The following ENTREP1 variants were observed in gnomAD, a reference collection of about 807,000 sequenced individuals.
The protein encoded by ENTREP1 is endosomal transmembrane epsin interactor 1, also known as Friedreich ataxia region gene X123.
At chr9:69,374,945 C>T in the ENTREP1 span, among the ~76,000 whole-genome samples, 1 of 152,190 alleles carries the variant, frequency 6.6e-6, no homozygotes, top group Non-Finnish European at 1.5e-5. Flanking sequence ...ACGCACAGTG[C>T]ACAGTTGCCT....
chr9:69,337,175 T>C, the ENTREP1 span, among the ~76,000 whole-genome samples: 1 of 151,876 alleles, frequency 6.6e-6, no homozygotes, highest in Non-Finnish European at 1.5e-5. Flanking sequence ...CCAACACGCC[T>C]GGCTAATTTT....
chr9:69,356,512 C>T, the ENTREP1 span, among the ~76,000 whole-genome samples: 1 of 151,950 alleles, frequency 6.6e-6, no homozygotes, highest in Non-Finnish European at 1.5e-5. Context: ...GATTCTTTAA[C>T]CTGCTGAACC....
chr9:69,375,709 A>ATT, the ENTREP1 span: 1 of 1,511,536 alleles, frequency 6.6e-7, no homozygotes, highest in Non-Finnish European at 9.1e-7. Flanking sequence ...TAATTAAAGT[A>ATT]TTTTTTTTTA....
the ENTREP1 span, chr9:69,386,296 A>C: frequency 1.2e-5 from 2 of 165,574 alleles, no homozygotes; most frequent in Non-Finnish European, 2.6e-5. Context: ...GTCTTAAAAA[A>C]AGTCAAAAGG....
the ENTREP1 span, among the ~76,000 whole-genome samples, chr9:69,327,391 A>G: frequency 6.6e-6 from 1 of 152,312 alleles, no homozygotes; most frequent in Admixed American, 6.5e-5. Flanking sequence ...GGTGCATTTC[A>G]TTTCTCTAAA....
At chr9:69,357,120 T>C in the ENTREP1 span, among the ~76,000 whole-genome samples, 1 of 151,278 alleles carries the variant, frequency 6.6e-6, no homozygotes. Flanking sequence ...AAAAAAAATT[T>C]TGAAGTCACT....
chr9:69,388,223 A>C, the ENTREP1 span: 1 of 1,614,068 alleles, frequency 6.2e-7, no homozygotes, highest in East Asian at 2.2e-5. Flanking sequence ...GGCTGCAGTG[A>C]CTCTGAGGAG....
At chr9:69,377,401 C>G in the ENTREP1 span, 7 of 1,613,830 alleles carry the variant, frequency 4.3e-6, no homozygotes, top group Non-Finnish European at 5.9e-6. Flanking sequence ...GCCTTGAATG[C>G]CCTGACCACC....
chr9:69,377,359 C>T, the ENTREP1 span: 12 of 1,553,356 alleles, frequency 7.7e-6, 1 homozygote, highest in South Asian at 1.0e-4. Flanking sequence ...GCCATTGTTT[C>T]CTTGCCCCAG....
chr9:69,351,498 C>T, the ENTREP1 span, among the ~76,000 whole-genome samples: 2 of 152,176 alleles, frequency 1.3e-5, no homozygotes, highest in Non-Finnish European at 2.9e-5. Flanking sequence ...CTCTCTACAA[C>T]CTCCACCTCG....
chr9:69,340,595 A>G, the ENTREP1 span, among the ~76,000 whole-genome samples: 12 of 145,584 alleles, frequency 8.2e-5, no homozygotes, highest in African/African-American at 3.0e-4. Flanking sequence ...GTATGTGTGC[A>G]TGCATGTGTG....
the ENTREP1 span, among the ~76,000 whole-genome samples, chr9:69,354,082 A>G: frequency 6.6e-6 from 1 of 152,012 alleles, no homozygotes; most frequent in Admixed American, 6.6e-5. Flanking sequence ...TTTAGTATAT[A>G]TTTATAAAAG....
At chr9:69,354,458 A>T in the ENTREP1 span, among the ~76,000 whole-genome samples, 1 of 152,044 alleles carries the variant, frequency 6.6e-6, no homozygotes, top group Non-Finnish European at 1.5e-5. Flanking sequence ...GGGTTTCACC[A>T]TGTTGGCCAG....
chr9:69,341,579 T>C, the ENTREP1 span, among the ~76,000 whole-genome samples: 73 of 152,338 alleles, frequency 4.8e-4, no homozygotes, highest in African/African-American at 1.7e-3. Context: ...TTTCATCTTA[T>C]TGTGTCTTGG....
At chr9:69,391,477 C>CTTTT in the ENTREP1 span, 2 of 692,082 alleles carry the variant, frequency 2.9e-6, no homozygotes, top group Non-Finnish European at 4.7e-6. Flanking sequence ...GGGAAAATGC[C>CTTTT]TTTTTTTTTT....
chr9:69,358,898 CTTTCTT>C, the ENTREP1 span, among the ~76,000 whole-genome samples: 6 of 121,164 alleles, frequency 5.0e-5, no homozygotes, highest in East Asian at 2.5e-4. Flanking sequence ...TTTTCTTTTT[CTTTCTT>C]TTTTTTTTTT....
chr9:69,388,533 A>G, the ENTREP1 span: 2 of 1,065,672 alleles, frequency 1.9e-6, no homozygotes, highest in Non-Finnish European at 2.6e-6. Flanking sequence ...TTCTTGTCCA[A>G]GGCAGAGTAA....
chr9:69,385,944 A>G, the ENTREP1 span: 1 of 1,600,180 alleles, frequency 6.2e-7, no homozygotes, highest in Non-Finnish European at 8.5e-7. Flanking sequence ...TTCTGAGGAG[A>G]GAGGTGATGT....
chr9:69,362,441 G>C, the ENTREP1 span, among the ~76,000 whole-genome samples: 1 of 152,182 alleles, frequency 6.6e-6, no homozygotes, highest in African/African-American at 2.4e-5. Context: ...AGAGATCAGA[G>C]CTGAGATGAA....
Sources: allele counts gnomAD v4.1 joint callset (sites outside exome capture counted in the v4.1 genomes callset), GRCh38; gene constraint gnomAD v4.1.1; transcripts MANE v1.5; gene names NCBI Gene and HGNC (gene_info 2026-07-23, HGNC 2026-07-21).